Variants in KDM3A observed in about 807,000 individuals in gnomAD.
KDM3A encodes lysine demethylase 3A.
In KDM3A, 60 loss-of-function variants were observed where a neutral mutation model predicts 158.0. That is an observed-to-expected ratio of 0.38 (90% confidence interval 0.31 to 0.47). KDM3A has a LOEUF of 0.47. KDM3A is among the 20% of genes least tolerant of loss of function. The pLI is 0.99. For synonymous variants in KDM3A, 608 were observed against 549.3 expected (o/e 1.11, Z -1.49); for missense variants, 1,319 against 1,574.3 (o/e 0.84, Z 2.74).
Position 86,466,446 on chromosome 2 carries a change from C to T in KDM3A, c.1082C>T (p.Pro361Leu). ...NTKSEALRTK[P>L]DVCKAGLLSK... Reference sequence around the variant, plus strand: ...AAGTCTGAAGCTCTGAGAACAAAACCAGATGTCTGCAAAGCAGGGTTGCTC... The same window carrying T: ...AAGTCTGAAGCTCTGAGAACAAAACTAGATGTCTGCAAAGCAGGGTTGCTC... The change falls in exon 10 of 26, where the codon CCA becomes CTA. Residue 361 changes from proline (P) to leucine (L), a missense_variant. By Grantham distance (98) the Pro-to-Leu change is moderately conservative. Around this residue, in one of 4 missense-constraint regions of KDM3A, gnomAD observed 652 missense variants for 627.2 expected, o/e 1.04. Coordinates refer to ENST00000312912, the MANE Select transcript of KDM3A (RefSeq NM_018433.6). 1 of 1,613,762 alleles carries T rather than the reference C, an allele frequency of 6.2e-7. No individual in the cohort carries two copies. The highest frequency in any genetic ancestry group is 8.5e-7 in the Non-Finnish European group (1 of 1,179,772).
intron 9 of KDM3A, 37 bp from the exon 10 acceptor site, chr2:86,466,335 A>AG: frequency 6.4e-7 from 1 of 1,555,046 alleles, no homozygotes. Flanking sequence ...AGATAAAAAG[A>AG]GGCCTGGATG....
chr2:86,477,274 G>C (rs989042716), intron 12 of KDM3A, among the ~76,000 whole-genome samples: 1 of 152,192 alleles, frequency 6.6e-6, no homozygotes, highest in African/African-American at 2.4e-5. Context: ...TCGAATTTCT[G>C]ACTGACTGGT....
At chr2:86,456,149 G>C (rs1672686211) in intron 5 of KDM3A, among the ~76,000 whole-genome samples, 1 of 151,710 alleles carries the variant, frequency 6.6e-6, no homozygotes, top group African/African-American at 2.4e-5. Flanking sequence ...TAGATTATCA[G>C]ACATAGTATT....
intron 8 of KDM3A, among the ~76,000 whole-genome samples, chr2:86,463,479 A>G (rs1330679528): frequency 6.6e-6 from 1 of 152,206 alleles, no homozygotes; most frequent in African/African-American, 2.4e-5. Context: ...CTTTGCCCAC[A>G]GGCCTGTCAT....
In KDM3A at chr2:86,451,062, T is replaced by C. The variant is rs764264350; in HGVS notation, c.343-41T>C. 22 of 1,320,654 alleles carry C rather than the reference T, an allele frequency of 1.7e-5. No homozygotes were observed. In the Middle Eastern group the frequency reaches 7.6e-4, roughly 45 times the overall value. The allele number at this position is 1,320,654 out of a possible 1,614,324, so 81.8% of individuals were successfully genotyped here. A position where few individuals can be genotyped will look rare whatever the true frequency, so the allele number is the denominator to read the frequency against. ...CCAGTTCCTATTTTCAGAATTATGC[T>C]GACAGCAGTTATGATGCTAAAGTGT... On this transcript the variant is annotated intron_variant, in intron 3 of 25. Coordinates refer to ENST00000312912, the MANE Select transcript of KDM3A (RefSeq NM_018433.6).
At chr2:86,475,581 A>G (rs1410762056) in intron 12 of KDM3A, among the ~76,000 whole-genome samples, 2 of 152,184 alleles carry the variant, frequency 1.3e-5, no homozygotes, top group Non-Finnish European at 2.9e-5. Flanking sequence ...GGCACATTAG[A>G]GCCAGACCTC....
At chr2:86,472,690 C>A (rs1673475749) in intron 11 of KDM3A, among the ~76,000 whole-genome samples, 1 of 152,128 alleles carries the variant, frequency 6.6e-6, no homozygotes, top group African/African-American at 2.4e-5. Flanking sequence ...TAAAACACAA[C>A]TTTGCATGTG....
At chr2:86,447,304 TC>T (rs1482186434) in intron 2 of KDM3A, among the ~76,000 whole-genome samples, 7 of 151,830 alleles carry the variant, frequency 4.6e-5, no homozygotes, top group Admixed American at 2.6e-4. Flanking sequence ...TTTTTTTTTT[TC>T]AAATCACTCA....
intron 8 of KDM3A, among the ~76,000 whole-genome samples, chr2:86,461,053 A>G (rs1422540032): frequency 2.0e-5 from 3 of 149,474 alleles, no homozygotes; most frequent in Non-Finnish European, 4.4e-5. Flanking sequence ...TTCTGCTTTA[A>G]GACAGCTCAT....
chr2:86,478,613 T>A lies in KDM3A; in HGVS notation c.2194T>A (p.Tyr732Asn). Residue 732 changes from tyrosine (Y) to asparagine (N), a missense_variant, in exon 15 of 26, where the codon TAT becomes AAT. By Grantham distance (143) the Tyr-to-Asn change is moderately radical. Coordinates refer to ENST00000312912, the MANE Select transcript of KDM3A (RefSeq NM_018433.6). ...TGCCTCTGCCCTTTCTTTAGCACTCTATGATGTTGGAGACATTGTTCATTC... is the reference window on the plus strand; with the variant it reads ...TGCCTCTGCCCTTTCTTTAGCACTCAATGATGTTGGAGACATTGTTCATTC... ...PTQIIPGKAL[Y>N]DVGDIVHSVR... The A allele has an allele frequency of 1.2e-6, 2 of 1,614,084 alleles. No individual in the cohort carries two copies. The highest frequency in any genetic ancestry group is 1.7e-6 in the Non-Finnish European group (2 of 1,179,960).
intron 9 of KDM3A, among the ~76,000 whole-genome samples, chr2:86,465,938 CAAAAAAAA>C (rs10541366): frequency 3.4e-5 from 4 of 118,056 alleles, no homozygotes; most frequent in African/African-American, 6.1e-5. Context: ...AATTTACACA[CAAAAAAAA>C]AAAAAAAAAA....
chr2:86,440,168 T>G (rs188018495), upstream of KDM3A, among the ~76,000 whole-genome samples: 1 of 120,104 alleles, frequency 8.3e-6, no homozygotes, highest in East Asian at 2.6e-4. Context: ...GGTCTACAGA[T>G]TATAAATCCA....
At chr2:86,465,345 C>T (rs544991731) in intron 9 of KDM3A, among the ~76,000 whole-genome samples, 1 of 152,220 alleles carries the variant, frequency 6.6e-6, no homozygotes, top group African/African-American at 2.4e-5. Flanking sequence ...TTACATGTTG[C>T]TCATAGCAGA....
chr2:86,464,334 A>G (rs1673047147), intron 9 of KDM3A, 118 bp downstream of exon 9: 1 of 636,066 alleles, frequency 1.6e-6, no homozygotes. Flanking sequence ...TTCTGAGAAA[A>G]GATGGATAGA....
intron 1 of KDM3A, among the ~76,000 whole-genome samples, chr2:86,441,735 C>T (rs1057280344): frequency 6.6e-6 from 1 of 151,070 alleles, no homozygotes; most frequent in African/African-American, 2.4e-5. Context: ...TTCAAATCCA[C>T]TCGAGCCGCA....
intron 14 of KDM3A, 119 bp from the exon 15 acceptor site, chr2:86,478,489 A>G: frequency 1.7e-6 from 2 of 1,188,578 alleles, no homozygotes; most frequent in Non-Finnish European, 1.2e-6. Flanking sequence ...CTGGAGCAGG[A>G]TGAAAAGGAG....
At chr2:86,445,958 A>G (rs1682943453) in intron 2 of KDM3A, among the ~76,000 whole-genome samples, 1 of 152,184 alleles carries the variant, frequency 6.6e-6, no homozygotes, top group South Asian at 2.1e-4. Flanking sequence ...AAACCATATC[A>G]TTCTGTGCTC....
intron 25 of KDM3A, 23 bp from the exon 26 acceptor site, chr2:86,492,016 A>G (rs1426664770): frequency 6.6e-7 from 1 of 1,525,992 alleles, no homozygotes; most frequent in Non-Finnish European, 9.1e-7. Context: ...TAAAATGCCC[A>G]TATTTTCTCC....
intron 19 of KDM3A, 198 bp from the exon 20 acceptor site, chr2:86,484,744 A>G (rs1204829298): frequency 5.9e-6 from 3 of 504,786 alleles, no homozygotes; most frequent in African/African-American, 1.9e-5. Context: ...TTTACACTGC[A>G]GAAATAAAAT....
Sources: gnomAD v4.1 joint callset for allele counts (sites outside exome capture counted in the v4.1 genomes callset) on GRCh38, gnomAD v4.1.1 for gene constraint, gnomAD v4.1.1 regional missense constraint, MANE v1.5 for transcripts, NCBI Gene and HGNC (gene_info 2026-07-23, HGNC 2026-07-21) for gene names.